LINGO2: variants seen among roughly 807,000 people sequenced by gnomAD.
LINGO2 encodes leucine-rich repeat and immunoglobulin-like domain-containing nogo receptor-interacting protein 2.
A neutral mutation model predicts 30.6 loss-of-function variants in LINGO2; 14 were observed. That is an observed-to-expected ratio of 0.46 (90% CI 0.30 to 0.72). LINGO2 has a LOEUF of 0.72. LINGO2 is among the 30% of genes least tolerant of loss of function. The pLI, the probability that LINGO2 is intolerant of heterozygous loss-of-function variation, is 0.07. For synonymous variants in LINGO2, 317 were observed against 288.5 expected (o/e 1.10, Z -1.00); for missense variants, 729 against 751.7 (o/e 0.97, Z 0.35).
the LINGO2 span, among the ~76,000 whole-genome samples, chr9:29,110,471 T>C: frequency 1.7e-3 from 252 of 151,756 alleles, 1 homozygote; most frequent in Non-Finnish European, 3.1e-3. Flanking sequence ...TAGCTGGGAC[T>C]ACAGGCGCCC....
chr9:28,494,147 A>G (rs544080920), intron 1 of LINGO2, among the ~76,000 whole-genome samples: 8 of 152,330 alleles, frequency 5.3e-5, no homozygotes, highest in African/African-American at 1.7e-4. Context: ...TGCAAAAGAA[A>G]TACCGGTTTT....
chr9:28,229,681 A>G (rs1304125080), intron 4 of LINGO2, among the ~76,000 whole-genome samples: 1 of 151,808 alleles, frequency 6.6e-6, no homozygotes, highest in East Asian at 1.9e-4. Flanking sequence ...TAAAGTGATA[A>G]TCAGATAGAA....
At chr9:28,252,408 G>A (rs1822235652) in intron 4 of LINGO2, among the ~76,000 whole-genome samples, 1 of 152,020 alleles carries the variant, frequency 6.6e-6, no homozygotes, top group Non-Finnish European at 1.5e-5. Context: ...GTATTCTTTA[G>A]TAGAGACGGG....
intron 1 of LINGO2, among the ~76,000 whole-genome samples, chr9:28,560,659 A>G (rs1034067975): frequency 6.6e-6 from 1 of 151,556 alleles, no homozygotes; most frequent in Non-Finnish European, 1.5e-5. Flanking sequence ...TATTTTTTAC[A>G]ATTTTATTTA....
At chr9:27,951,834 A>T (rs1819329603) in intron 5 of LINGO2, among the ~76,000 whole-genome samples, 1 of 151,980 alleles carries the variant, frequency 6.6e-6, no homozygotes, top group Non-Finnish European at 1.5e-5. Flanking sequence ...TAGTAAAAAA[A>T]TAATTATCCG....
rs1820291022 is a variant in LINGO2 at position 28,357,880 on chromosome 9, T to C, written c.-246+14956A>G. On this transcript the variant is annotated intron_variant, in intron 3 of 5. Transcript: ENST00000379992. ...CACCTAGTAGGGAATCAATACATAT[T>C]AGCTACATTGATCACATCAATTAAT... 5.3e-5 allele frequency among the ~76,000 whole-genome samples: 8 copies of C among 152,162 alleles called. No individual in the cohort carries two copies. In the South Asian group the frequency reaches 1.7e-3, roughly 32 times the overall value.
At chr9:28,054,279 C>T (rs765362463) in intron 4 of LINGO2, among the ~76,000 whole-genome samples, 5 of 152,112 alleles carry the variant, frequency 3.3e-5, no homozygotes, top group Non-Finnish European at 5.9e-5. Flanking sequence ...TTACTCAGTT[C>T]AACCAGCAGG....
the LINGO2 span, among the ~76,000 whole-genome samples, chr9:29,191,393 A>G: frequency 2.6e-5 from 4 of 152,064 alleles, no homozygotes; most frequent in Middle Eastern, 3.2e-3. Context: ...AACTTGAGCT[A>G]TATTTTCAGA....
At chr9:29,081,860 C>T in the LINGO2 span, among the ~76,000 whole-genome samples, 1 of 151,502 alleles carries the variant, frequency 6.6e-6, no homozygotes, top group African/African-American at 2.4e-5. Context: ...ACCTAGGAAT[C>T]CAACTTATAA....
intron 4 of LINGO2, among the ~76,000 whole-genome samples, chr9:28,151,170 A>G (rs1827989746): frequency 6.6e-6 from 1 of 152,232 alleles, no homozygotes. Context: ...CATTGCAATA[A>G]TAACATATTA....
intron 4 of LINGO2, among the ~76,000 whole-genome samples, chr9:28,265,280 C>T (rs1587354224): frequency 6.6e-6 from 1 of 151,946 alleles, no homozygotes; most frequent in Non-Finnish European, 1.5e-5. Context: ...ACATCACTCA[C>T]AGGGATACCT....
At chr9:28,764,458 T>C in the LINGO2 span, among the ~76,000 whole-genome samples, 5 of 151,888 alleles carry the variant, frequency 3.3e-5, no homozygotes, top group Non-Finnish European at 7.4e-5. Flanking sequence ...TTAACATCCT[T>C]TCATGATAAA....
At chr9:28,414,718 G>A (rs1054187836) in intron 2 of LINGO2, among the ~76,000 whole-genome samples, 2 of 152,070 alleles carry the variant, frequency 1.3e-5, no homozygotes, top group Non-Finnish European at 2.9e-5. Context: ...AGTGCACCAA[G>A]CTGATTGCCC....
chr9:28,770,706 T>A, the LINGO2 span, among the ~76,000 whole-genome samples: 1 of 152,150 alleles, frequency 6.6e-6, no homozygotes, highest in Admixed American at 6.5e-5. Flanking sequence ...CTATAAGTTA[T>A]AACATGCAAA....
chr9:28,138,493 A>AT (rs1827579746), intron 4 of LINGO2, among the ~76,000 whole-genome samples: 1 of 152,180 alleles, frequency 6.6e-6, no homozygotes, highest in Non-Finnish European at 1.5e-5. Context: ...TTGTGAGGCC[A>AT]CTTTTCATAT....
intron 1 of LINGO2, among the ~76,000 whole-genome samples, chr9:28,563,929 G>A (rs1270558810): frequency 1.3e-5 from 2 of 152,080 alleles, no homozygotes; most frequent in Admixed American, 6.6e-5. Flanking sequence ...ATAACAATGA[G>A]CTAGCATGCT....
chr9:28,652,069 T>C (rs1828127772), intron 1 of LINGO2, among the ~76,000 whole-genome samples: 1 of 152,348 alleles, frequency 6.6e-6, no homozygotes, highest in South Asian at 2.1e-4. Flanking sequence ...TTCTAAACTA[T>C]CATATCTTCT....
At chr9:29,170,701 T>G in the LINGO2 span, among the ~76,000 whole-genome samples, 3 of 152,136 alleles carry the variant, frequency 2.0e-5, no homozygotes, top group Non-Finnish European at 4.4e-5. Context: ...TTACTATTCA[T>G]GACATACAAT....
the LINGO2 span, among the ~76,000 whole-genome samples, chr9:28,846,681 G>A: frequency 4.8e-5 from 7 of 146,986 alleles, no homozygotes; most frequent in African/African-American, 1.8e-4. Context: ...TGCAGCTCCT[G>A]ACCCAACAGT....
Sources: allele counts gnomAD v4.1 joint callset (sites outside exome capture counted in the v4.1 genomes callset), GRCh38; gene constraint gnomAD v4.1.1; transcripts MANE v1.5; gene names NCBI Gene and HGNC (gene_info 2026-07-23, HGNC 2026-07-21).